Variants in CLDN16 observed in about 807,000 individuals in gnomAD.
The protein encoded by CLDN16 is claudin-16.
In CLDN16, 13 loss-of-function variants were observed where a neutral mutation model predicts 24.6. The observed-to-expected ratio is 0.53, with a 90% CI of 0.34 to 0.84. CLDN16 has a LOEUF of 0.84. Ranked by LOEUF, CLDN16 falls within the 40% of genes least tolerant of loss-of-function variation. The pLI, the probability that CLDN16 is intolerant of heterozygous loss-of-function variation, is 0.01. For missense variants in CLDN16, 298 were observed against 292.7 expected (o/e 1.02, Z -0.13); for synonymous variants, 116 against 106.7 (o/e 1.09, Z -0.54).
At chr3:190,381,651 A>T (rs1388428076) in intron 3 of CLDN16, among the ~76,000 whole-genome samples, 1 of 152,006 alleles carries the variant, frequency 6.6e-6, no homozygotes, top group East Asian at 1.9e-4. Context: ...TTTCTATTTT[A>T]TTGTGTTAGG....
chr3:190,313,067 A>G, the CLDN16 span: 1 of 1,613,532 alleles, frequency 6.2e-7, no homozygotes, highest in Admixed American at 1.7e-5. Flanking sequence ...ACATGTAAAA[A>G]TATGCTTGGA....
chr3:190,373,968 C>G (rs1440480935), intron 2 of CLDN16, among the ~76,000 whole-genome samples: 2 of 151,670 alleles, frequency 1.3e-5, no homozygotes, highest in Non-Finnish European at 1.5e-5. Flanking sequence ...TCTGAATTCC[C>G]CTTTTTCTCC....
At chr3:190,310,301 G>T in the CLDN16 span, 1 of 1,424,202 alleles carries the variant, frequency 7.0e-7, no homozygotes, top group Non-Finnish European at 9.9e-7. Flanking sequence ...GGAACACTGA[G>T]CCTAAATACA....
chr3:190,399,357 A>G (rs889636278), intron 1 of CLDN16, among the ~76,000 whole-genome samples: 1 of 152,014 alleles, frequency 6.6e-6, no homozygotes, highest in Admixed American at 6.5e-5. Flanking sequence ...TACTTAAAAA[A>G]AAAAAGTAGC....
rs1416428859 is a variant in CLDN16 at position 190,411,385 on chromosome 3, T to A, written c.*1349T>A. On this transcript the variant is annotated 3_prime_UTR_variant, in exon 5 of 5. Coordinates refer to ENST00000264734, the MANE Select transcript of CLDN16 (RefSeq NM_006580.4). ...TTCATTCATATTCATAATGTAACCA[T>A]CTTGAATTTTTTTAATTGTAGCGAT... 6.6e-6 allele frequency: 1 copy of A among 152,164 alleles called. No individual in the cohort carries two copies. Among genetic ancestry groups the A allele is most frequent in the East Asian group, 1.9e-4 (1 of 5,206 alleles). 9.4% of individuals were successfully genotyped at this position (152,164 alleles called of 1,614,324 possible). A position where few individuals can be genotyped will look rare whatever the true frequency, so the allele number is the denominator to read the frequency against.
At chr3:190,307,069 G>A in the CLDN16 span, 1 of 152,624 alleles carries the variant, frequency 6.6e-6, no homozygotes, top group Non-Finnish European at 1.5e-5. Flanking sequence ...CAAAGAATGA[G>A]AGTAATATAA....
At chr3:190,313,483 C>A in the CLDN16 span, among the ~76,000 whole-genome samples, 1 of 152,250 alleles carries the variant, frequency 6.6e-6, no homozygotes, top group East Asian at 1.9e-4. Context: ...TAGTCACCAG[C>A]TTTACACCCC....
intron 4 of CLDN16, 101 bp downstream of exon 4, chr3:190,408,606 A>G: frequency 9.3e-7 from 1 of 1,072,544 alleles, no homozygotes; most frequent in Non-Finnish European, 1.4e-6. Context: ...ATTTATTTGA[A>G]TTCCTACCTA....
intron 1 of CLDN16, among the ~76,000 whole-genome samples, chr3:190,326,810 G>C (rs1430124752): frequency 6.6e-6 from 1 of 152,122 alleles, no homozygotes; most frequent in Non-Finnish European, 1.5e-5. Context: ...TTCTGTTTCA[G>C]TCATAAAAGG....
chr3:190,396,310 C>G (rs7648450), intron 1 of CLDN16, among the ~76,000 whole-genome samples: 8,012 of 152,178 alleles, frequency 0.053, 551 homozygotes, highest in African/African-American at 0.16. Flanking sequence ...CAGAATGACA[C>G]CAAATCAATG....
chr3:190,385,592 C>A (rs1445435345), upstream of CLDN16, among the ~76,000 whole-genome samples: 2 of 151,048 alleles, frequency 1.3e-5, no homozygotes, highest in African/African-American at 4.9e-5. Context: ...GTGAAAGAAT[C>A]TATGATTTCC....
the CLDN16 span, among the ~76,000 whole-genome samples, chr3:190,314,299 T>C: frequency 6.6e-6 from 1 of 152,230 alleles, no homozygotes; most frequent in African/African-American, 2.4e-5. Context: ...CAATCATAAT[T>C]GAAGCTAAAT....
At chr3:190,295,513 T>C in the CLDN16 span, among the ~76,000 whole-genome samples, 7 of 152,174 alleles carry the variant, frequency 4.6e-5, no homozygotes, top group Admixed American at 3.9e-4. Context: ...GGAAACTTAA[T>C]ACCAACCTAC....
At chr3:190,355,372 CT>C (rs1351206633) in intron 1 of CLDN16, among the ~76,000 whole-genome samples, 2 of 151,896 alleles carry the variant, frequency 1.3e-5, no homozygotes, top group South Asian at 2.1e-4. Flanking sequence ...AATTATTGGC[CT>C]GTTAAAAATC....
At chr3:190,297,887 A>T in the CLDN16 span, among the ~76,000 whole-genome samples, 3 of 151,362 alleles carry the variant, frequency 2.0e-5, no homozygotes, top group East Asian at 5.8e-4. Flanking sequence ...GACACGTATC[A>T]TGACTGAGAC....
chr3:190,328,941 C>A (rs1717126560), intron 1 of CLDN16, among the ~76,000 whole-genome samples: 1 of 152,130 alleles, frequency 6.6e-6, no homozygotes, highest in South Asian at 2.1e-4. Context: ...CTACTTTGTT[C>A]ATTTATGTTA....
upstream of CLDN16, chr3:190,388,114 C>G: frequency 6.2e-7 from 1 of 1,613,562 alleles, no homozygotes; most frequent in Non-Finnish European, 8.5e-7. Context: ...CTGGTTGCTT[C>G]GGATAATGAC....
chr3:190,409,595 T>G (rs1719217835), intron 4 of CLDN16, among the ~76,000 whole-genome samples: 1 of 152,038 alleles, frequency 6.6e-6, no homozygotes. Flanking sequence ...GCCAAATACT[T>G]CTTTTTAAAG....
chr3:190,383,103 C>T (rs927021016), intron 3 of CLDN16, among the ~76,000 whole-genome samples: 1 of 152,080 alleles, frequency 6.6e-6, no homozygotes, highest in Non-Finnish European at 1.5e-5. Context: ...GCCGGAGTTG[C>T]AAAAATGGTG....
Sources: gnomAD v4.1 joint callset for allele counts (sites outside exome capture counted in the v4.1 genomes callset) on GRCh38, gnomAD v4.1.1 for gene constraint, MANE v1.5 for transcripts, NCBI Gene and HGNC (gene_info 2026-07-23, HGNC 2026-07-21) for gene names.